Variants in NDUFS8 observed in about 807,000 individuals in gnomAD.
The protein encoded by NDUFS8 is NADH dehydrogenase [ubiquinone] iron-sulfur protein 8, mitochondrial.
A neutral mutation model predicts 25.6 loss-of-function variants in NDUFS8; 13 were observed. The observed-to-expected ratio is 0.51, with a 90% CI of 0.33 to 0.81. The LOEUF is 0.81. Ranked by LOEUF, NDUFS8 falls within the 30% of genes least tolerant of loss-of-function variation. The pLI, the probability that NDUFS8 is intolerant of heterozygous loss-of-function variation, is 0.02. For missense variants in NDUFS8, 257 were observed against 300.9 expected (o/e 0.85, Z 1.08); for synonymous variants, 119 against 119.4 (o/e 1.00, Z 0.02).
chr11:68,033,854 C>T (rs575166621), intron 5 of NDUFS8: 1 of 175,172 alleles, frequency 5.7e-6, no homozygotes, highest in South Asian at 1.2e-4. Flanking sequence ...TCCCAGTGTT[C>T]TGTGACTCGG....
At chr11:68,036,017 CAAAAAAAAAAAAAAA>C in intron 5 of NDUFS8, 1 of 372,172 alleles carries the variant, frequency 2.7e-6, no homozygotes, top group Non-Finnish European at 4.8e-6. Context: ...GACTCTATCT[CAAAAAAAAAAAAAAA>C]AAAAAAAAAA....
intron 1 of NDUFS8, 129 bp from the exon 2 acceptor site, chr11:68,032,022 AC>A: frequency 7.4e-7 from 1 of 1,344,794 alleles, no homozygotes; most frequent in Non-Finnish European, 1.1e-6. Context: ...TGTGCCTCTG[AC>A]AGCAATGGGG....
rs1469630388 is a variant in NDUFS8 at position 68,033,145 on chromosome 11, A to G, written c.234A>G (p.Glu78=). The stretch of plus-strand genomic sequence containing the variant: ...TGACCCTGAGCTACCTGTTCCGGGA[A>G]CCGGCCACCATCAACTACCCGTTCG... The part of the protein sequence containing the change: ...LGMTLSYLFR[E]PATINYPFEK... The change falls in exon 5 of 7, where the codon GAA becomes GAG. Residue 78 remains glutamate (E), a synonymous_variant. Coordinates refer to ENST00000313468, the MANE Select transcript of NDUFS8 (RefSeq NM_002496.4). 6.2e-7 allele frequency: 1 copy of G among 1,612,782 alleles called. No individual in the cohort carries two copies. Among genetic ancestry groups the G allele is most frequent in the Non-Finnish European group, 8.5e-7 (1 of 1,179,764 alleles).
At position 68,032,267 on chromosome 11, in the gene NDUFS8, C is replaced by T. The variant is rs1854780407; in HGVS notation, c.59-19C>T. On this transcript the variant is annotated intron_variant, in intron 2 of 6. Transcript: ENST00000313468. The stretch of plus-strand genomic sequence containing the variant: ...GGAGTCCAGTCTCCTGGTATGACGT[C>T]ACGCCCTTCTTTTTGCAGGACCTCC... The T allele has an allele frequency of 6.2e-7, 1 of 1,613,764 alleles. No homozygotes were observed. Among genetic ancestry groups the T allele is most frequent in the Non-Finnish European group, 8.5e-7 (1 of 1,180,002 alleles).
rs201663925 is a variant in NDUFS8, at chr11:68,036,560, C to T, written c.600C>T (p.Ala200=). 35 of 1,614,046 alleles carry T rather than the reference C, an allele frequency of 2.2e-5. No homozygotes were observed. Among genetic ancestry groups the T allele is most frequent in the Non-Finnish European group, 2.8e-5 (33 of 1,180,026 alleles). ...NNGDKWEAEI[A]ANIQADYLYR The stretch of plus-strand genomic sequence containing the variant: ...GGGACAAGTGGGAGGCCGAGATCGC[C>T]GCCAACATCCAGGCTGACTACTTGT... The change falls in exon 7 of 7, where the codon GCC becomes GCT. Residue 200 remains alanine, a synonymous_variant. Transcript: ENST00000313468.
Position 68,032,904 on chromosome 11 carries a change from C to A in NDUFS8, c.110-19C>A. 6.2e-7 allele frequency: 1 copy of A among 1,613,100 alleles called. No homozygotes were observed. Among genetic ancestry groups the A allele is most frequent in the Non-Finnish European group, 8.5e-7 (1 of 1,179,618 alleles). ...GTGTGAGGCCTCTTGCCATGGCCTC[C>A]CTGCCCGCCTCTCTGCAGAGTATGT... On this transcript the variant is annotated intron_variant, in intron 3 of 6. Transcript: ENST00000313468.
chr11:68,035,209 AG>A (rs1336096205), intron 5 of NDUFS8: 3 of 153,554 alleles, frequency 2.0e-5, no homozygotes, highest in African/African-American at 7.3e-5. Flanking sequence ...GGTCAAGGTG[AG>A]GGGATTACTT....
rs537149486 is a variant in NDUFS8 at position 68,032,590 on chromosome 11, G to A, written c.109+254G>A. ...AGGGGGTTGCCAGGTGTGAGCCATG[G>A]GTACCTGTGCCTATTGCCAGTCCCT... On this transcript the variant is annotated intron_variant, in intron 3 of 6. Transcript: ENST00000313468. The A allele has an allele frequency of 3.4e-4, 452 of 1,338,514 alleles. 5 individuals are homozygous for A. The highest frequency in any genetic ancestry group is 1.7e-4 in the Admixed American group (7 of 40,920). The allele number at this position is 1,338,514 out of a possible 1,614,324, so 82.9% of individuals were successfully genotyped here.
intron 5 of NDUFS8, chr11:68,034,788 G>A (rs4071997): frequency 0.18 from 26,273 of 148,536 alleles, 2,357 homozygotes; most frequent in Middle Eastern, 0.24. Context: ...AAAAAAATTA[G>A]GGCCGGTTGC....
intron 5 of NDUFS8, chr11:68,033,804 G>A (rs1854821954): frequency 1.7e-5 from 3 of 176,832 alleles, no homozygotes; most frequent in Non-Finnish European, 3.7e-5. Flanking sequence ...CAGGAGCCCC[G>A]GCAGCCGCCG....
chr11:68,036,115 TC>T (rs1179737704), intron 5 of NDUFS8, 137 bp from the exon 6 acceptor site: 3 of 1,423,344 alleles, frequency 2.1e-6, no homozygotes, highest in Non-Finnish European at 2.9e-6. Context: ...CAGGGCGGCC[TC>T]TTAGCCGGAG....
Position 68,033,159 on chromosome 11 carries a change from A to T in NDUFS8, c.248A>T (p.Asn83Ile). ...SYLFREPATINYPFEKGPLSP... is the reference protein window; with the variant it reads ...SYLFREPATIIYPFEKGPLSP... ...CTGTTCCGGGAACCGGCCACCATCA[A>T]CTACCCGTTCGAGAAGGGCCCGCTG... Residue 83 changes from asparagine (N) to isoleucine (I), a missense_variant, in exon 5 of 7, where the codon AAC becomes ATC. Transcript: ENST00000313468. 1 of 1,612,780 alleles carries T rather than the reference A, an allele frequency of 6.2e-7. No individual in the cohort carries two copies. Among genetic ancestry groups the T allele is most frequent in the Non-Finnish European group, 8.5e-7 (1 of 1,179,754 alleles).
rs145502482 is a variant in NDUFS8, at chr11:68,036,312, C to T, written c.432C>T (p.Asp144=). Residue 144 remains aspartate, a synonymous_variant, in exon 6 of 7, where the codon GAC becomes GAT. Coordinates refer to ENST00000313468, the MANE Select transcript of NDUFS8 (RefSeq NM_002496.4). The part of the protein sequence containing the change: ...ADGSRRTTRY[D]IDMTKCIYCG... ...GCAGCCGCCGGACCACCCGCTATGA[C>T]ATCGACATGACCAAGTGCATCTACT... 6 of 1,613,526 alleles carry T rather than the reference C, an allele frequency of 3.7e-6. No homozygotes were observed. The highest frequency in any genetic ancestry group is 1.3e-5 in the African/African-American group (1 of 74,942).
intron 5 of NDUFS8, chr11:68,033,875 T>G (rs1854824361): frequency 5.9e-6 from 1 of 170,048 alleles, no homozygotes; most frequent in Non-Finnish European, 1.3e-5. Context: ...GTGGCTCCTG[T>G]CCAGATCCTA....
chr11:68,032,265 G>A (rs968224404), intron 2 of NDUFS8, 21 bp from the exon 3 acceptor site: 17 of 1,613,682 alleles, frequency 1.1e-5, no homozygotes, highest in African/African-American at 1.3e-5. Context: ...CTGGTATGAC[G>A]TCACGCCCTT....
intron 3 of NDUFS8, 86 bp downstream of exon 3, chr11:68,032,422 T>C: frequency 6.2e-7 from 1 of 1,608,516 alleles, no homozygotes; most frequent in Non-Finnish European, 8.5e-7. Context: ...CAGTCCTGGC[T>C]TTGTCAGGGG....
chr11:68,031,774 A>G, intron 1 of NDUFS8: 1 of 368,478 alleles, frequency 2.7e-6, no homozygotes, highest in South Asian at 2.2e-5. Context: ...AGAGCTAACA[A>G]AGTTCGCTCT....
At position 68,032,156 on chromosome 11, in the gene NDUFS8, G is replaced by A. The variant is rs139334907; in HGVS notation, c.5G>A (p.Arg2His). 56 of 1,612,392 alleles carry A rather than the reference G, an allele frequency of 3.5e-5. No individual in the cohort carries two copies. The highest frequency in any genetic ancestry group is 2.7e-4 in the South Asian group (25 of 91,006). The change falls in exon 2 of 7, where the codon CGC (arginine) becomes CAC (histidine). Residue 2 changes from arginine to histidine, a missense_variant. Arg to His is a conservative substitution (Grantham distance 29). Transcript: ENST00000313468. Reference protein sequence around the residue: MRCLTTPMLLRA... With the variant: MHCLTTPMLLRA... ...CATCCCTTTTTATGCCACCAGATGCGCTGCCTGACCACGCCTATGCTGCTG... is the reference window on the plus strand; with the variant it reads ...CATCCCTTTTTATGCCACCAGATGCACTGCCTGACCACGCCTATGCTGCTG...
At chr11:68,032,882 T>G in intron 3 of NDUFS8, 41 bp from the exon 4 acceptor site, 1 of 1,584,932 alleles carries the variant, frequency 6.3e-7, no homozygotes, top group Non-Finnish European at 8.7e-7. Flanking sequence ...AGACAGTGTG[T>G]GAGGCCTCTT....
Sources: allele counts gnomAD v4.1 joint callset, GRCh38; gene constraint gnomAD v4.1.1; transcripts MANE v1.5; gene names NCBI Gene and HGNC (gene_info 2026-07-23, HGNC 2026-07-21).